The following AKR1B1 variants were observed in gnomAD, a reference collection of about 807,000 sequenced individuals.
The protein encoded by AKR1B1 is aldo-keto reductase family 1 member B1.
Under a neutral mutation model 40.4 loss-of-function variants are expected in AKR1B1, and 22 were observed. The observed-to-expected ratio is 0.54, with a 90% confidence interval of 0.39 to 0.78. The LOEUF is 0.78. Ranked by LOEUF, AKR1B1 falls within the 30% of genes least tolerant of loss-of-function variation. The pLI, the probability that AKR1B1 is intolerant of heterozygous loss-of-function variation, is 0.00. For synonymous variants in AKR1B1, 157 were observed against 149.9 expected (o/e 1.05, Z -0.35); for missense variants, 357 against 396.7 (o/e 0.90, Z 0.85).
At chr7:134,448,919 G>A (rs1380923599) in intron 5 of AKR1B1, 78 bp downstream of exon 5, 7 of 1,590,654 alleles carry the variant, frequency 4.4e-6, no homozygotes, top group Admixed American at 1.7e-5. Context: ...TGCTGGGTGA[G>A]GTGGACGAGA....
At chr7:134,448,870 A>G (rs1806191813) in intron 5 of AKR1B1, 127 bp downstream of exon 5, 1 of 1,130,504 alleles carries the variant, frequency 8.8e-7, no homozygotes, top group African/African-American at 1.5e-5. Context: ...ATCATAACTC[A>G]GGACTCTGCC....
intron 1 of AKR1B1, among the ~76,000 whole-genome samples, chr7:134,454,484 A>G (rs1291727475): frequency 1.3e-5 from 2 of 152,210 alleles, no homozygotes; most frequent in Non-Finnish European, 2.9e-5. Context: ...AGGTCTTGCT[A>G]GTTACTTCAA....
In AKR1B1 at chr7:134,447,362, A is replaced by G. The variant is rs759564198; in HGVS notation, c.761T>C (p.Met254Thr). 3.1e-6 allele frequency: 5 copies of G among 1,614,000 alleles called. No homozygotes were observed. Among genetic ancestry groups the G allele is most frequent in the Non-Finnish European group, 3.4e-6 (4 of 1,180,004 alleles). ...TTAQVLIRFP[M>T]QRNLVVIPKS... is the part of the protein sequence containing the mutation. ...GGGGATCACCACCAAGTTCCTCTGC[A>G]TGGGGAACCGGATCAGGACCTGTGA... Residue 254 changes from methionine to threonine, a missense_variant, in exon 8 of 10, where the codon ATG (methionine) becomes ACG (threonine). Met to Thr is a moderately conservative substitution (Grantham distance 81, BLOSUM62 -1). Coordinates refer to ENST00000285930, the MANE Select transcript of AKR1B1 (RefSeq NM_001628.4).
intron 1 of AKR1B1, among the ~76,000 whole-genome samples, chr7:134,455,587 G>A (rs1331463831): frequency 6.6e-6 from 1 of 152,108 alleles, no homozygotes; most frequent in Non-Finnish European, 1.5e-5. Flanking sequence ...TGTTGTTGTT[G>A]TTGTTTCTGA....
At chr7:134,459,191 C>G (rs1231552112), upstream of AKR1B1, 1 of 1,211,266 alleles carries the variant, frequency 8.3e-7, no homozygotes, top group African/African-American at 1.5e-5. Flanking sequence ...AAGGAGCCTT[C>G]TGATTGGTTG....
chr7:134,449,443 C>T (rs7801237), intron 4 of AKR1B1: 6,480 of 563,774 alleles, frequency 0.011, 322 homozygotes, highest in African/African-American at 0.11. Flanking sequence ...AAAAATTAGC[C>T]GGGCGTGGTG....
intron 1 of AKR1B1, among the ~76,000 whole-genome samples, chr7:134,458,374 C>T (rs1806554688): frequency 6.6e-6 from 1 of 152,160 alleles, no homozygotes; most frequent in African/African-American, 2.4e-5. Context: ...CGAGGCGGCG[C>T]CTGGCCGAGG....
At chr7:134,449,580 C>T (rs1268439731) in intron 4 of AKR1B1, 140 bp downstream of exon 4, 4 of 748,460 alleles carry the variant, frequency 5.3e-6, no homozygotes, top group Admixed American at 2.2e-5. Context: ...GAGGGAGACC[C>T]CAACTCAAAA....
intron 7 of AKR1B1, 65 bp downstream of exon 7, chr7:134,447,915 G>T: frequency 1.4e-6 from 2 of 1,393,104 alleles, no homozygotes; most frequent in Non-Finnish European, 2.0e-6. Context: ...TCCTCCTCTT[G>T]GCTAACAGGA....
At chr7:134,458,290 T>C (rs1013198458) in intron 1 of AKR1B1, among the ~76,000 whole-genome samples, 6 of 152,184 alleles carry the variant, frequency 3.9e-5, no homozygotes, top group Admixed American at 3.9e-4. Flanking sequence ...AATGCTAACC[T>C]TGGCGCCTCC....
chr7:134,451,952 C>T (rs117342415), intron 1 of AKR1B1, 199 bp from the exon 2 acceptor site: 232 of 644,670 alleles, frequency 3.6e-4, no homozygotes, highest in Non-Finnish European at 5.0e-4. Flanking sequence ...ACAGCATTGC[C>T]CTGTAGGAGA....
chr7:134,453,753 G>T (rs942739217), intron 1 of AKR1B1, among the ~76,000 whole-genome samples: 2 of 152,156 alleles, frequency 1.3e-5, no homozygotes, highest in Admixed American at 1.3e-4. Context: ...TGTGTGCTGG[G>T]AGGCTGATCA....
chr7:134,447,229 C>T lies in AKR1B1; in HGVS notation c.825+69G>A, dbSNP rs985698313. Reference sequence around the variant, plus strand: ...GATCCCACAGATGACACTCCAGAGACAGGATGAGAGGCCTCCCCCATCCCC... The same window carrying T: ...GATCCCACAGATGACACTCCAGAGATAGGATGAGAGGCCTCCCCCATCCCC... On this transcript the variant is annotated intron_variant, in intron 8 of 9. Transcript: ENST00000285930. 29 of 1,338,546 alleles carry T rather than the reference C, an allele frequency of 2.2e-5. No individual in the cohort carries two copies. The Middle Eastern group carries it at 7.1e-4, about 33-fold the overall frequency. 82.9% of individuals were successfully genotyped at this position (1,338,546 alleles called of 1,614,324 possible).
chr7:134,447,850 G>A (rs760465827), intron 7 of AKR1B1, 130 bp downstream of exon 7: 30 of 824,992 alleles, frequency 3.6e-5, no homozygotes, highest in Non-Finnish European at 6.0e-5. Flanking sequence ...TTTCCACTCT[G>A]TACTTGAGGA....
chr7:134,458,241 T>A (rs1354635806), intron 1 of AKR1B1, among the ~76,000 whole-genome samples: 1 of 152,132 alleles, frequency 6.6e-6, no homozygotes, highest in Non-Finnish European at 1.5e-5. Context: ...GCTAGGCACT[T>A]CTCGGGGACG....
chr7:134,457,251 GA>G (rs1222786505), intron 1 of AKR1B1, among the ~76,000 whole-genome samples: 5 of 152,224 alleles, frequency 3.3e-5, no homozygotes, highest in South Asian at 2.1e-4. Flanking sequence ...AAATGGAATA[GA>G]AAAAAATATT....
At chr7:134,447,574 C>A (rs1806143183) in intron 7 of AKR1B1, 193 bp from the exon 8 acceptor site, 2 of 664,724 alleles carry the variant, frequency 3.0e-6, no homozygotes, top group African/African-American at 1.8e-5. Flanking sequence ...ACTCCAGAGT[C>A]CTGCGCTAGC....
chr7:134,449,716 T>C lies in AKR1B1; in HGVS notation c.429+4A>G, dbSNP rs762358498. The stretch of plus-strand genomic sequence containing the variant: ...AAACAAGGTCCAACCAGGGGCTGTC[T>C]TACCGCCCACGTGTCCAGAATGTTG... On this transcript the variant is annotated splice_donor_region_variant and intron_variant, in intron 4 of 9. Transcript: ENST00000285930. 1 of 1,612,694 alleles carries C rather than the reference T, an allele frequency of 6.2e-7. No individual in the cohort carries two copies. The highest frequency in any genetic ancestry group is 2.2e-5 in the East Asian group (1 of 44,874).
At chr7:134,455,238 A>C (rs1168156584) in intron 1 of AKR1B1, among the ~76,000 whole-genome samples, 3 of 152,196 alleles carry the variant, frequency 2.0e-5, no homozygotes, top group Non-Finnish European at 2.9e-5. Flanking sequence ...AGCTTATAGA[A>C]CAGCTTGTGA....
Sources: gnomAD v4.1 joint callset for allele counts (sites outside exome capture counted in the v4.1 genomes callset) on GRCh38, gnomAD v4.1.1 for gene constraint, MANE v1.5 for transcripts, NCBI Gene and HGNC (gene_info 2026-07-23, HGNC 2026-07-21) for gene names.